Variants in RNF212B observed in about 807,000 individuals in gnomAD.
RNF212B encodes ring finger protein 212B, also known as E3 ubiquitin-protein ligase RNF212B.
A neutral mutation model predicts 55.5 loss-of-function variants in RNF212B; 52 were observed. The observed-to-expected ratio is 0.94, with a 90% CI of 0.75 to 1.18. The LOEUF (loss-of-function observed/expected upper bound fraction) is 1.18. Among genes scored for constraint, RNF212B ranks in the 50% most tolerant of loss-of-function variants. The probability of loss-of-function intolerance (pLI) is 0.00; values close to 1 mark genes in which losing one functional copy is unlikely to be tolerated. For missense variants in RNF212B, 289 were observed against 350.4 expected, an observed-to-expected ratio of 0.82 and a Z score of 1.40; for synonymous variants, 99 against 121.4, an observed-to-expected ratio of 0.82 and a Z score of 1.21.
intron 2 of RNF212B, among the ~76,000 whole-genome samples, chr14:23,206,084 T>C (rs1182849341): frequency 1.3e-5 from 2 of 149,110 alleles, no homozygotes; most frequent in Non-Finnish European, 2.9e-5. Context: ...TTGACTAGTC[T>C]TTTTTTTTGA....
chr14:23,248,986 C>G (rs1345801623), intron 4 of RNF212B, among the ~76,000 whole-genome samples: 1 of 152,078 alleles, frequency 6.6e-6, no homozygotes, highest in Non-Finnish European at 1.5e-5. Context: ...CAGCCATAGA[C>G]AGCATGTAAG....
At chr14:23,217,185 G>C (rs1881161395) in intron 2 of RNF212B, among the ~76,000 whole-genome samples, 1 of 150,572 alleles carries the variant, frequency 6.6e-6, no homozygotes. Flanking sequence ...GAAGCTCCTG[G>C]GTTTTAAGTT....
chr14:23,229,234 A>ATATATATT (rs1882327443), intron 2 of RNF212B, among the ~76,000 whole-genome samples: 1 of 67,112 alleles, frequency 1.5e-5, no homozygotes, highest in Non-Finnish European at 3.5e-5. Flanking sequence ...ATATATATAT[A>ATATATATT]TATATATATA....
intron 2 of RNF212B, among the ~76,000 whole-genome samples, chr14:23,224,433 C>T (rs1881834643): frequency 6.6e-6 from 1 of 152,090 alleles, no homozygotes; most frequent in Non-Finnish European, 1.5e-5. Flanking sequence ...ACTAGAGAAC[C>T]CAGAAACAAA....
intron 2 of RNF212B, among the ~76,000 whole-genome samples, chr14:23,226,738 G>GTCCCC (rs370334113): frequency 1.7e-3 from 255 of 150,912 alleles, no homozygotes; most frequent in Non-Finnish European, 3.3e-3. Context: ...ATCTCGGCTA[G>GTCCCC]TCCCCTCCCC....
At chr14:23,200,339 T>G (rs1879166903) in intron 2 of RNF212B, among the ~76,000 whole-genome samples, 1 of 152,106 alleles carries the variant, frequency 6.6e-6, no homozygotes, top group Non-Finnish European at 1.5e-5. Flanking sequence ...CAACTTTTTT[T>G]TTTTGAGACA....
intron 4 of RNF212B, among the ~76,000 whole-genome samples, chr14:23,253,954 C>G (rs1378434492): frequency 1.3e-5 from 2 of 152,014 alleles, no homozygotes; most frequent in African/African-American, 4.8e-5. Flanking sequence ...AAAAATAAAT[C>G]TTCAACTAAA....
chr14:23,213,024 T>C (rs1373246528), intron 2 of RNF212B, among the ~76,000 whole-genome samples: 3 of 152,072 alleles, frequency 2.0e-5, no homozygotes, highest in South Asian at 2.1e-4. Context: ...CTAAAAATTA[T>C]AACACAGGCC....
rs145031924 is a variant in RNF212B, at chr14:23,203,844, C to T, written c.-2+10443C>T. On this transcript the variant is annotated intron_variant, in intron 2 of 15. Transcript: ENST00000399910. ...GTGGCTGTACTAGTTTACATTACCA[C>T]CAGTAGTGTAGAAGTGTTCTCTGAT... 7.5e-3 allele frequency among the ~76,000 whole-genome samples: 1,147 copies of T among 152,292 alleles called. 7 individuals are homozygous for T. Among genetic ancestry groups the T allele is most frequent in the Non-Finnish European group, 0.012 (836 of 68,014 alleles).
intron 11 of RNF212B, among the ~76,000 whole-genome samples, chr14:23,265,790 T>C (rs771081749): frequency 6.6e-6 from 1 of 152,220 alleles, no homozygotes; most frequent in Non-Finnish European, 1.5e-5. Context: ...TCTATTTCCT[T>C]CCTTCTCATT....
intron 7 of RNF212B, among the ~76,000 whole-genome samples, chr14:23,261,656 A>G (rs992813800): frequency 2.6e-5 from 4 of 152,014 alleles, no homozygotes; most frequent in African/African-American, 9.7e-5. Context: ...TGCTCTACCA[A>G]CTCTTAAATA....
At position 23,232,783 on chromosome 14, in the gene RNF212B, G is replaced by GT. The variant is rs1398678610; in HGVS notation, c.-1-7561dup. Reference sequence around the variant, plus strand: ...GCCAGCCGCCCCGTCTGGGAGGGAGGTGGGGGGGGGGTCAGCCTCTGCCCG... The same window carrying GT: ...GCCAGCCGCCCCGTCTGGGAGGGAGGTTGGGGGGGGGGTCAGCCTCTGCCCG... On this transcript the variant is annotated intron_variant, in intron 2 of 15. Transcript: ENST00000399910. Among the ~76,000 whole-genome samples the GT allele has an allele frequency of 2.6e-3, 342 of 132,924 alleles. 5 individuals carry two copies. Among genetic ancestry groups the GT allele is most frequent in the African/African-American group, 9.5e-3 (317 of 33,322 alleles). 87.2% of individuals were successfully genotyped at this position (132,924 alleles called of 152,430 possible).
chr14:23,194,748 A>C (rs1204397447), intron 2 of RNF212B, among the ~76,000 whole-genome samples: 1 of 151,032 alleles, frequency 6.6e-6, no homozygotes. Context: ...AAAAAAAAAA[A>C]AAAAAAAAAC....
chr14:23,232,791 G>C (rs1299005277), intron 2 of RNF212B, among the ~76,000 whole-genome samples: 3 of 149,448 alleles, frequency 2.0e-5, no homozygotes, highest in Non-Finnish European at 4.5e-5. Context: ...AGGTGGGGGG[G>C]GGGTCAGCCT....
At chr14:23,223,071 A>AAT (rs1881708390) in intron 2 of RNF212B, among the ~76,000 whole-genome samples, 4 of 149,732 alleles carry the variant, frequency 2.7e-5, no homozygotes, top group Admixed American at 1.3e-4. Context: ...AAAAAAAAAA[A>AAT]GGAAAAGAAA....
At chr14:23,260,176 C>G (rs1170789553) in intron 6 of RNF212B, among the ~76,000 whole-genome samples, 1 of 152,170 alleles carries the variant, frequency 6.6e-6, no homozygotes, top group Admixed American at 6.5e-5. Flanking sequence ...ATCAGTGAGT[C>G]ATGACCTACC....
intron 1 of RNF212B, among the ~76,000 whole-genome samples, chr14:23,187,863 C>A (rs981683331): frequency 1.3e-5 from 2 of 151,906 alleles, no homozygotes; most frequent in African/African-American, 4.8e-5. Context: ...TGGGGCCTTC[C>A]TGAGCCAGTA....
chr14:23,208,980 G>T (rs368761633), intron 2 of RNF212B, among the ~76,000 whole-genome samples: 6 of 151,780 alleles, frequency 4.0e-5, no homozygotes, highest in South Asian at 2.1e-4. Context: ...GGATGGTCTC[G>T]ATCTCCTGAC....
chr14:23,217,731 C>T (rs1291261311), intron 2 of RNF212B, among the ~76,000 whole-genome samples: 1 of 152,100 alleles, frequency 6.6e-6, no homozygotes, highest in African/African-American at 2.4e-5. Flanking sequence ...GGACCCAGGT[C>T]TGTTTGAATA....
Sources: allele counts gnomAD v4.1 joint callset (sites outside exome capture counted in the v4.1 genomes callset), GRCh38; gene constraint gnomAD v4.1.1; transcripts MANE v1.5; gene names NCBI Gene and HGNC (gene_info 2026-07-23, HGNC 2026-07-21).